Variants in ABCD3 observed in about 807,000 individuals in gnomAD.
ABCD3 encodes the protein ATP binding cassette subfamily D member 3.
In ABCD3, 41 loss-of-function variants were observed where a neutral mutation model predicts 105.5. The ratio of observed to expected loss-of-function variants is 0.39; its 90% confidence interval spans 0.30 to 0.50. The LOEUF (loss-of-function observed/expected upper bound fraction) is 0.50, where lower values mean the gene tolerates loss of function less well. ABCD3 is among the 20% of genes least tolerant of loss of function. ABCD3 has a pLI of 0.84. For synonymous variants in ABCD3, 258 were observed against 269.0 expected (o/e 0.96, Z 0.40); for missense variants, 622 against 806.3 (o/e 0.77, Z 2.77).
intron 20 of ABCD3, among the ~76,000 whole-genome samples, chr1:94,502,423 A>G (rs1650139839): frequency 6.6e-6 from 1 of 152,238 alleles, no homozygotes; most frequent in South Asian, 2.1e-4. Context: ...ACAGTATGTC[A>G]GGCACCTTAC....
At chr1:94,476,966 C>T (rs1330601718) in intron 7 of ABCD3, among the ~76,000 whole-genome samples, 3 of 150,088 alleles carry the variant, frequency 2.0e-5, no homozygotes, top group African/African-American at 7.3e-5. Context: ...TGTATCTATA[C>T]AACTTTCCAT....
chr1:94,448,538 G>A (rs1660444867), intron 1 of ABCD3, among the ~76,000 whole-genome samples: 1 of 152,236 alleles, frequency 6.6e-6, no homozygotes, highest in Non-Finnish European at 1.5e-5. Flanking sequence ...AGCTCAAAAA[G>A]CGGAGCTTTT....
intron 1 of ABCD3, among the ~76,000 whole-genome samples, chr1:94,449,822 G>T (rs940374889): frequency 6.6e-6 from 1 of 152,206 alleles, no homozygotes; most frequent in African/African-American, 2.4e-5. Context: ...GGTAGAAATG[G>T]TAAGAAGTAT....
rs747475307 is a variant in ABCD3, at chr1:94,489,889, A to C, written c.1250-14A>C. The C allele has an allele frequency of 6.2e-6, 10 of 1,611,718 alleles. No individual in the cohort carries two copies. The highest frequency in any genetic ancestry group is 7.6e-6 in the Non-Finnish European group (9 of 1,178,142). ...GACATAATATGATGCTTTAATACCTATTTTCCATTTAAGGTATTGAAGGAG... is the reference window on the plus strand; with the variant it reads ...GACATAATATGATGCTTTAATACCTCTTTTCCATTTAAGGTATTGAAGGAG... On this transcript the variant is annotated splice_polypyrimidine_tract_variant and intron_variant, in intron 14 of 22. Coordinates refer to ENST00000370214, the MANE Select transcript of ABCD3 (RefSeq NM_002858.4).
chr1:94,434,375 TATA>T (rs1659815366), intron 1 of ABCD3, among the ~76,000 whole-genome samples: 1 of 152,188 alleles, frequency 6.6e-6, no homozygotes, highest in Non-Finnish European at 1.5e-5. Context: ...TACACTCTAA[TATA>T]ATGATGAAAG....
intron 1 of ABCD3, among the ~76,000 whole-genome samples, chr1:94,426,059 C>T (rs541797702): frequency 6.6e-6 from 1 of 152,300 alleles, no homozygotes; most frequent in South Asian, 2.1e-4. Context: ...GCTCTCATTT[C>T]TATGCTTGCT....
chr1:94,409,378 A>T, the ABCD3 span, among the ~76,000 whole-genome samples: 1 of 152,182 alleles, frequency 6.6e-6, no homozygotes, highest in Non-Finnish European at 1.5e-5. Flanking sequence ...TAAAAATTAA[A>T]ATAAAAATTC....
At chr1:94,420,985 G>T (rs1362042119) in intron 1 of ABCD3, among the ~76,000 whole-genome samples, 1 of 151,990 alleles carries the variant, frequency 6.6e-6, no homozygotes, top group Non-Finnish European at 1.5e-5. Context: ...CCAAACATTG[G>T]GAGAATGAGT....
In ABCD3 at chr1:94,497,442, T is replaced by C. The variant is rs1488108379; in HGVS notation, c.1387-1160T>C. On this transcript the variant is annotated intron_variant, in intron 16 of 22. Coordinates refer to ENST00000370214, the MANE Select transcript of ABCD3 (RefSeq NM_002858.4). ...AGGTTACCAGCTAGGGTAACTCATA[T>C]CTTTCTGATATTTTCTTTCCTATTG... is the stretch of plus-strand genomic sequence containing the variant. Among the ~76,000 whole-genome samples, 3 of 152,176 alleles carry C rather than the reference T, an allele frequency of 2.0e-5. No individual in the cohort carries two copies. The East Asian group carries it at 5.8e-4, about 29-fold the overall frequency.
At chr1:94,438,251 C>T (rs1354700464) in intron 1 of ABCD3, among the ~76,000 whole-genome samples, 2 of 150,624 alleles carry the variant, frequency 1.3e-5, no homozygotes, top group African/African-American at 2.4e-5. Context: ...CACATCATTG[C>T]ACTCCAGCCT....
Position 94,418,599 on chromosome 1 carries a change from C to T in ABCD3, c.110+11C>T. 1.9e-6 allele frequency: 3 copies of T among 1,586,458 alleles called. No homozygotes were observed. Among genetic ancestry groups the T allele is most frequent in the Non-Finnish European group, 2.6e-6 (3 of 1,172,476 alleles). ...CCTCGGCCTGCACGGGTAAGAAGGC[C>T]CGTAGCCGTGCAGCTTTCCCGGGCT... On this transcript the variant is annotated intron_variant, in intron 1 of 22. Coordinates refer to ENST00000370214, the MANE Select transcript of ABCD3 (RefSeq NM_002858.4).
intron 2 of ABCD3, among the ~76,000 whole-genome samples, chr1:94,463,751 T>C (rs1182069393): frequency 1.3e-5 from 2 of 152,172 alleles, no homozygotes; most frequent in Non-Finnish European, 2.9e-5. Context: ...ATGAAAAAAC[T>C]CTTGAGAGAG....
chr1:94,390,796 G>A, the ABCD3 span, among the ~76,000 whole-genome samples: 6 of 152,152 alleles, frequency 3.9e-5, no homozygotes, highest in Non-Finnish European at 8.8e-5. Flanking sequence ...TATCCCGACA[G>A]CACATTCAGA....
intron 7 of ABCD3, among the ~76,000 whole-genome samples, chr1:94,476,083 A>G (rs772776363): frequency 9.9e-5 from 15 of 152,132 alleles, no homozygotes; most frequent in Admixed American, 2.0e-4. Context: ...TTCTAACTCC[A>G]CACTTATAAC....
chr1:94,385,317 T>C, the ABCD3 span, among the ~76,000 whole-genome samples: 4 of 152,042 alleles, frequency 2.6e-5, no homozygotes. Context: ...GCAAATAAAA[T>C]ACACTTGTGG....
chr1:94,493,914 A>G (rs1334209067), intron 16 of ABCD3, among the ~76,000 whole-genome samples: 1 of 151,994 alleles, frequency 6.6e-6, no homozygotes, highest in Non-Finnish European at 1.5e-5. Flanking sequence ...TGGACACAGG[A>G]AGGGGAACAT....
At chr1:94,501,875 C>T (rs1200993794) in intron 20 of ABCD3, among the ~76,000 whole-genome samples, 5 of 146,850 alleles carry the variant, frequency 3.4e-5, no homozygotes, top group Admixed American at 2.0e-4. Flanking sequence ...TTTTGTAAAT[C>T]TTTTTTTTTT....
intron 1 of ABCD3, among the ~76,000 whole-genome samples, chr1:94,449,834 G>A (rs1260065802): frequency 2.6e-5 from 4 of 152,202 alleles, no homozygotes; most frequent in African/African-American, 9.6e-5. Flanking sequence ...AAGAAGTATG[G>A]CAAGAGTTCC....
chr1:94,413,844 T>C (rs1442810628), upstream of ABCD3, among the ~76,000 whole-genome samples: 4 of 152,158 alleles, frequency 2.6e-5, no homozygotes, highest in Non-Finnish European at 4.4e-5. Flanking sequence ...TAGAATTATA[T>C]ATGAAACAGT....
Sources: gnomAD v4.1 joint callset for allele counts (sites outside exome capture counted in the v4.1 genomes callset) on GRCh38, gnomAD v4.1.1 for gene constraint, MANE v1.5 for transcripts, NCBI Gene and HGNC (gene_info 2026-07-23, HGNC 2026-07-21) for gene names.